TTC29: variants seen among roughly 807,000 people sequenced by gnomAD.
TTC29 encodes the protein tetratricopeptide repeat domain 29, also known as tetratricopeptide repeat protein 29.
TTC29 carries 49 observed loss-of-function variants against 58.1 expected under a neutral mutation model. That is an observed-to-expected ratio of 0.84 (90% CI 0.67 to 1.07). TTC29 has a LOEUF of 1.07. TTC29 is among the 50% of genes least tolerant of loss of function. TTC29 has a pLI of 0.00. For synonymous variants in TTC29, 209 were observed against 196.8 expected (o/e 1.06, Z -0.52); for missense variants, 582 against 555.6 (o/e 1.05, Z -0.48).
At chr4:146,901,436 A>G (rs1733141466) in intron 6 of TTC29, among the ~76,000 whole-genome samples, 1 of 152,222 alleles carries the variant, frequency 6.6e-6, no homozygotes, top group Admixed American at 6.5e-5. Flanking sequence ...TCTGAAATTA[A>G]CACGTATTTG....
At chr4:146,883,690 T>C (rs1375650600) in intron 6 of TTC29, among the ~76,000 whole-genome samples, 1 of 152,060 alleles carries the variant, frequency 6.6e-6, no homozygotes. Context: ...GGTGCAACTA[T>C]TCAAGATCTC....
chr4:146,866,708 G>A (rs1730585589), intron 8 of TTC29, among the ~76,000 whole-genome samples: 2 of 151,826 alleles, frequency 1.3e-5, no homozygotes, highest in South Asian at 4.2e-4. Context: ...ATTGTAAGGG[G>A]GCTAGAGGAA....
intron 4 of TTC29, among the ~76,000 whole-genome samples, chr4:146,910,793 G>A (rs1733846994): frequency 6.6e-6 from 1 of 152,162 alleles, no homozygotes; most frequent in African/African-American, 2.4e-5. Flanking sequence ...TAGGTCAAAA[G>A]ATCAAATGCC....
intron 5 of TTC29, 134 bp from the exon 6 acceptor site, chr4:146,903,863 A>G (rs1023283517): frequency 1.7e-5 from 9 of 524,694 alleles, no homozygotes; most frequent in African/African-American, 1.4e-4. Flanking sequence ...AATTGGGTCT[A>G]AAAGCAAAAA....
At chr4:146,930,084 CATATATATATATATATATATATAT>C (rs70958534) in intron 4 of TTC29, among the ~76,000 whole-genome samples, 3 of 77,462 alleles carry the variant, frequency 3.9e-5, no homozygotes, top group African/African-American at 9.9e-5. Context: ...TGTGTGTGTG[CATATATATATATATATATATATAT>C]ATATATATAT....
Position 146,798,948 on chromosome 4 carries a change from T to C in TTC29, c.1330+4509A>G, listed in dbSNP as rs188966812. Among the ~76,000 whole-genome samples the C allele has an allele frequency of 1.4e-3, 213 of 147,356 alleles. 3 individuals are homozygous for C. Among genetic ancestry groups the C allele is most frequent in the East Asian group, 2.1e-3 (10 of 4,840 alleles). ...ATACCATATTTAGTGAGAAAGATGC[T>C]CTTACTGAGAAATCATGGTCAGTTC... On this transcript the variant is annotated intron_variant, in intron 11 of 12. Transcript: ENST00000325106.
chr4:146,752,654 C>T (rs1437076901), intron 11 of TTC29, among the ~76,000 whole-genome samples: 1 of 152,014 alleles, frequency 6.6e-6, no homozygotes, highest in Non-Finnish European at 1.5e-5. Flanking sequence ...TCAAACTATA[C>T]TACAAGGCTA....
chr4:146,942,466 G>A, intron 2 of TTC29: 1 of 493,634 alleles, frequency 2.0e-6, no homozygotes. Context: ...TTGAGTTACT[G>A]GAATAACAAG....
chr4:146,865,224 C>A (rs1413698861), intron 8 of TTC29, among the ~76,000 whole-genome samples: 1 of 152,202 alleles, frequency 6.6e-6, no homozygotes, highest in East Asian at 1.9e-4. Flanking sequence ...GATACACCAG[C>A]ATTTCCACCT....
At chr4:146,753,523 A>G (rs945346627) in intron 11 of TTC29, among the ~76,000 whole-genome samples, 3 of 152,206 alleles carry the variant, frequency 2.0e-5, no homozygotes, top group African/African-American at 7.2e-5. Flanking sequence ...AACTAGAAAT[A>G]CCATTTGACC....
chr4:146,934,614 G>A (rs1735627329), intron 4 of TTC29, among the ~76,000 whole-genome samples: 1 of 152,152 alleles, frequency 6.6e-6, no homozygotes, highest in Non-Finnish European at 1.5e-5. Context: ...CAGGTTGAGA[G>A]TGTGGCTGAA....
chr4:146,739,407 T>C (rs1561076971), intron 11 of TTC29, among the ~76,000 whole-genome samples: 2 of 152,192 alleles, frequency 1.3e-5, no homozygotes, highest in Admixed American at 6.5e-5. Context: ...CCTCTAACAC[T>C]TTCTCTTTTC....
chr4:146,894,006 C>T (rs1579929105), intron 6 of TTC29, among the ~76,000 whole-genome samples: 1 of 152,056 alleles, frequency 6.6e-6, no homozygotes. Context: ...GCTAGAATGG[C>T]AATCATTAAA....
chr4:146,778,809 C>A (rs2150084075), intron 11 of TTC29, among the ~76,000 whole-genome samples: 1 of 150,678 alleles, frequency 6.6e-6, no homozygotes, highest in Non-Finnish European at 1.5e-5. Context: ...GAGAATAGAC[C>A]CTGGACTCCA....
chr4:146,744,083 G>A (rs1204787247), intron 11 of TTC29, among the ~76,000 whole-genome samples: 1 of 152,224 alleles, frequency 6.6e-6, no homozygotes, highest in East Asian at 1.9e-4. Context: ...AAAGGAAAGA[G>A]TATTGATATC....
At chr4:146,724,171 T>C (rs1055521084) in intron 11 of TTC29, among the ~76,000 whole-genome samples, 13 of 152,078 alleles carry the variant, frequency 8.5e-5, no homozygotes, top group East Asian at 1.9e-4. Flanking sequence ...GAGTTAAACA[T>C]TGGGTACTCA....
At chr4:146,732,239 A>G (rs1299982553) in intron 11 of TTC29, among the ~76,000 whole-genome samples, 1 of 152,136 alleles carries the variant, frequency 6.6e-6, no homozygotes, top group Non-Finnish European at 1.5e-5. Flanking sequence ...ATTTTTTCAG[A>G]TATCTATAGT....
At chr4:146,834,301 A>G (rs529044756) in intron 8 of TTC29, among the ~76,000 whole-genome samples, 2 of 152,300 alleles carry the variant, frequency 1.3e-5, no homozygotes, top group East Asian at 3.9e-4. Context: ...AAAAATAGCT[A>G]TTTGAAAAGC....
chr4:146,758,583 G>A (rs752922210), intron 11 of TTC29, among the ~76,000 whole-genome samples: 2 of 152,050 alleles, frequency 1.3e-5, no homozygotes, highest in Non-Finnish European at 2.9e-5. Flanking sequence ...TAGACCATAA[G>A]ATAGGCCATA....
Sources: gnomAD v4.1 joint callset for allele counts (sites outside exome capture counted in the v4.1 genomes callset) on GRCh38, gnomAD v4.1.1 for gene constraint, MANE v1.5 for transcripts, NCBI Gene and HGNC (gene_info 2026-07-23, HGNC 2026-07-21) for gene names.